Variants in TMEM170B observed in about 807,000 individuals in gnomAD.
TMEM170B encodes transmembrane protein 170B.
Under a neutral mutation model 13.0 loss-of-function variants are expected in TMEM170B, and 6 were observed. The observed-to-expected ratio is 0.46, with a 90% CI of 0.25 to 0.91. TMEM170B has a LOEUF of 0.91. TMEM170B is among the 40% of genes least tolerant of loss of function. The pLI, the probability that TMEM170B is intolerant of heterozygous loss-of-function variation, is 0.17. For synonymous variants in TMEM170B, 61 were observed against 64.9 expected, an observed-to-expected ratio of 0.94 and a Z score of 0.29; for missense variants, 138 against 165.2, an observed-to-expected ratio of 0.84 and a Z score of 0.90.
chr6:11,564,857 C>T (rs867487132), intron 1 of TMEM170B, among the ~76,000 whole-genome samples: 3 of 152,294 alleles, frequency 2.0e-5, no homozygotes, highest in South Asian at 2.1e-4. Context: ...GGGAAGGGAA[C>T]GATTGGCCCA....
chr6:11,555,016 A>G (rs1297673845), intron 1 of TMEM170B, among the ~76,000 whole-genome samples: 2 of 152,192 alleles, frequency 1.3e-5, no homozygotes, highest in Non-Finnish European at 1.5e-5. Flanking sequence ...TGCATCTGGT[A>G]TCATAATCCT....
At chr6:11,548,963 T>A (rs1759479611) in intron 1 of TMEM170B, among the ~76,000 whole-genome samples, 2 of 152,232 alleles carry the variant, frequency 1.3e-5, no homozygotes, top group South Asian at 4.1e-4. Flanking sequence ...TTAGGAGATA[T>A]ACCTAACATA....
intron 2 of TMEM170B, among the ~76,000 whole-genome samples, chr6:11,570,368 C>T (rs1436134189): frequency 6.6e-6 from 1 of 151,850 alleles, no homozygotes; most frequent in East Asian, 1.9e-4. Flanking sequence ...AAAACTGGTT[C>T]TTTGGAGAGA....
At chr6:11,564,757 C>T (rs916510355) in intron 1 of TMEM170B, among the ~76,000 whole-genome samples, 12 of 152,256 alleles carry the variant, frequency 7.9e-5, no homozygotes, top group East Asian at 5.8e-4. Context: ...CATCATGCGA[C>T]GATGAAGTAG....
At chr6:11,568,385 G>A (rs1759761732) in intron 2 of TMEM170B, among the ~76,000 whole-genome samples, 1 of 152,132 alleles carries the variant, frequency 6.6e-6, no homozygotes, top group Non-Finnish European at 1.5e-5. Context: ...GAACAGAGGG[G>A]GAAGGAAGAA....
chr6:11,557,041 T>A (rs1759599530), intron 1 of TMEM170B, among the ~76,000 whole-genome samples: 1 of 152,168 alleles, frequency 6.6e-6, no homozygotes, highest in Non-Finnish European at 1.5e-5. Context: ...GTCACTTGTG[T>A]CATTTACTCA....
At chr6:11,567,039 A>G (rs566137825) in intron 2 of TMEM170B, among the ~76,000 whole-genome samples, 141 of 152,296 alleles carry the variant, frequency 9.3e-4, no homozygotes, top group African/African-American at 3.2e-3. Context: ...CCTGTGACCA[A>G]TTATCATTTT....
At chr6:11,549,999 A>G (rs376093752) in intron 1 of TMEM170B, among the ~76,000 whole-genome samples, 1 of 151,738 alleles carries the variant, frequency 6.6e-6, no homozygotes, top group Non-Finnish European at 1.5e-5. Flanking sequence ...ATGTACATCA[A>G]TTTTTCTAAC....
intron 1 of TMEM170B, 47 bp from the exon 2 acceptor site, chr6:11,565,619 C>T (rs759861453): frequency 5.6e-6 from 9 of 1,602,462 alleles, no homozygotes; most frequent in Non-Finnish European, 7.7e-6. Context: ...ATTGAATTTT[C>T]TAAGTTGTGT....
rs1419456246 is a variant in TMEM170B, at chr6:11,545,296, G to C, written c.97+6922G>C. Among the ~76,000 whole-genome samples the C allele has an allele frequency of 2.6e-5, 4 of 151,884 alleles. No individual in the cohort carries two copies. In the East Asian group the frequency reaches 7.7e-4, roughly 29 times the overall value. On this transcript the variant is annotated intron_variant, in intron 1 of 2. Coordinates refer to ENST00000379426, the MANE Select transcript of TMEM170B (RefSeq NM_001100829.3). ...TCTCTCTCTCTGTGTGTGTGTGTGTGTGTGTGTGTGTGTGTAGTACTAGTA... is the reference window on the plus strand; with the variant it reads ...TCTCTCTCTCTGTGTGTGTGTGTGTCTGTGTGTGTGTGTGTAGTACTAGTA...
chr6:11,543,568 A>C (rs1023686798), intron 1 of TMEM170B, among the ~76,000 whole-genome samples: 1 of 152,230 alleles, frequency 6.6e-6, no homozygotes, highest in East Asian at 1.9e-4. Flanking sequence ...TCTGATAGCT[A>C]ATAGTGAAAA....
intron 2 of TMEM170B, among the ~76,000 whole-genome samples, chr6:11,570,738 T>G (rs1759788391): frequency 6.6e-6 from 1 of 152,166 alleles, no homozygotes; most frequent in African/African-American, 2.4e-5. Flanking sequence ...TGTGCACAGC[T>G]TGTTTGCAGA....
intron 1 of TMEM170B, among the ~76,000 whole-genome samples, chr6:11,556,458 CA>C (rs1437262417): frequency 6.6e-6 from 1 of 152,148 alleles, no homozygotes; most frequent in East Asian, 1.9e-4. Flanking sequence ...GGTCTCTCTC[CA>C]CACACTAGCC....
chr6:11,546,561 C>T (rs1319058442), intron 1 of TMEM170B, among the ~76,000 whole-genome samples: 1 of 152,150 alleles, frequency 6.6e-6, no homozygotes, highest in East Asian at 1.9e-4. Flanking sequence ...GGCCTGCAAG[C>T]TCTATTCATG....
At chr6:11,544,738 T>C (rs1209160075) in intron 1 of TMEM170B, among the ~76,000 whole-genome samples, 1 of 152,210 alleles carries the variant, frequency 6.6e-6, no homozygotes, top group Non-Finnish European at 1.5e-5. Flanking sequence ...ATATCACTTC[T>C]TTAAGTGTGT....
At position 11,538,143 on chromosome 6, in the gene TMEM170B, C is replaced by A; in HGVS notation, c.-135C>A. 5.2e-6 allele frequency: 1 copy of A among 193,102 alleles called. No homozygotes were observed. The highest frequency in any genetic ancestry group is 1.6e-4 in the South Asian group (1 of 6,160). 12.0% of individuals were successfully genotyped at this position (193,102 alleles called of 1,614,324 possible). On this transcript the variant is annotated 5_prime_UTR_variant, in exon 1 of 3. Transcript: ENST00000379426. ...CTCCGGCTGCAGCAGCAGCAGCGCC[C>A]GGCCCGGCGTCCCGCAGCCTCCACC...
At chr6:11,544,185 G>A (rs375179146) in intron 1 of TMEM170B, among the ~76,000 whole-genome samples, 3 of 151,972 alleles carry the variant, frequency 2.0e-5, no homozygotes, top group African/African-American at 4.8e-5. Context: ...TAAATATTAC[G>A]GTACAGGTTG....
rs1759300805 is a variant in TMEM170B at position 11,537,888 on chromosome 6, C to G, written c.-390C>G. ...TGCACCTGCCGGCTGCCCATCAGCACCGGCCTCCTGGCGTGACCTCGGCCT... is the reference window on the plus strand; with the variant it reads ...TGCACCTGCCGGCTGCCCATCAGCAGCGGCCTCCTGGCGTGACCTCGGCCT... On this transcript the variant is annotated 5_prime_UTR_variant, in exon 1 of 3. Coordinates refer to ENST00000379426, the MANE Select transcript of TMEM170B (RefSeq NM_001100829.3). 6.6e-6 allele frequency among the ~76,000 whole-genome samples: 1 copy of G among 151,738 alleles called. No individual in the cohort carries two copies. Among genetic ancestry groups the G allele is most frequent in the Admixed American group, 6.6e-5 (1 of 15,256 alleles).
At chr6:11,571,853 C>T (rs1211347064) in intron 2 of TMEM170B, among the ~76,000 whole-genome samples, 1 of 152,004 alleles carries the variant, frequency 6.6e-6, no homozygotes, top group African/African-American at 2.4e-5. Flanking sequence ...TATAAAAAGA[C>T]AACCCGGTAG....
Sources: allele counts gnomAD v4.1 joint callset (sites outside exome capture counted in the v4.1 genomes callset), GRCh38; gene constraint gnomAD v4.1.1; transcripts MANE v1.5; gene names NCBI Gene and HGNC (gene_info 2026-07-23, HGNC 2026-07-21).